C1orf94: variants seen among roughly 807,000 people sequenced by gnomAD.
C1orf94 encodes the protein uncharacterized protein C1orf94.
Under a neutral mutation model 53.6 loss-of-function variants are expected in C1orf94, and 45 were observed. The observed-to-expected ratio is 0.84, with a 90% CI of 0.66 to 1.08. C1orf94 has a LOEUF of 1.08. Ranked by LOEUF, C1orf94 falls within the 50% of genes least tolerant of loss-of-function variation. The pLI is 0.00. For synonymous variants in C1orf94, 304 were observed against 296.1 expected (o/e 1.03, Z -0.27); for missense variants, 762 against 738.9 (o/e 1.03, Z -0.36).
At chr1:34,216,748 G>A (rs1011230422) in intron 6 of C1orf94, among the ~76,000 whole-genome samples, 1 of 152,156 alleles carries the variant, frequency 6.6e-6, no homozygotes, top group East Asian at 1.9e-4. Context: ...TATCTTCCAA[G>A]CAATAATAAA....
intron 6 of C1orf94, among the ~76,000 whole-genome samples, chr1:34,213,541 A>G (rs1202057454): frequency 6.6e-6 from 1 of 151,740 alleles, no homozygotes; most frequent in African/African-American, 2.4e-5. Flanking sequence ...TTTTTATTTT[A>G]TTATTATTAT....
chr1:34,196,099 C>G (rs2148617146), intron 1 of C1orf94, among the ~76,000 whole-genome samples: 2 of 152,318 alleles, frequency 1.3e-5, no homozygotes, highest in South Asian at 4.1e-4. Flanking sequence ...CTCATAGGAG[C>G]CCCTTGAGTA....
rs67117400 is a variant in C1orf94, at chr1:34,197,071, G to C, written c.321-154G>C. Reference sequence around the variant, plus strand: ...CTACCGCTGTGGTATAGGACCCTCTGGGGGTCCAGTGTGTCTGCTGGGTTA... The same window carrying C: ...CTACCGCTGTGGTATAGGACCCTCTCGGGGTCCAGTGTGTCTGCTGGGTTA... On this transcript the variant is annotated intron_variant, in intron 1 of 6. Coordinates refer to ENST00000488417, the MANE Select transcript of C1orf94 (RefSeq NM_001134734.2). The surrounding 1 kb of genome is among the most constrained non-coding windows in gnomAD (Gnocchi z 4.1). 0.14 allele frequency among the ~76,000 whole-genome samples: 21,419 copies of C among 152,214 alleles called. 1,703 individuals are homozygous for C. The highest frequency in any genetic ancestry group is 0.24 in the Middle Eastern group (71 of 294).
At chr1:34,216,164 G>A (rs1172120497) in intron 6 of C1orf94, among the ~76,000 whole-genome samples, 1 of 152,208 alleles carries the variant, frequency 6.6e-6, no homozygotes, top group Non-Finnish European at 1.5e-5. Context: ...ATAGGTAGGT[G>A]CATATAGGAG....
At chr1:34,208,110 G>T (rs750322569) in intron 4 of C1orf94, 47 bp from the exon 5 acceptor site, 148 of 1,589,448 alleles carry the variant, frequency 9.3e-5, no homozygotes, top group Non-Finnish European at 1.2e-4. Flanking sequence ...ATGCCTTCTG[G>T]CAGGAAACCC....
chr1:34,175,543 A>G (rs1254468568), upstream of C1orf94, among the ~76,000 whole-genome samples: 1 of 152,166 alleles, frequency 6.6e-6, no homozygotes. Flanking sequence ...CAATTTTGTA[A>G]TGAAAATCAA....
At chr1:34,196,632 T>C (rs1019597115) in intron 1 of C1orf94, among the ~76,000 whole-genome samples, 1 of 152,170 alleles carries the variant, frequency 6.6e-6, no homozygotes, top group South Asian at 2.1e-4. Flanking sequence ...ATACTCCTAG[T>C]AATGAGAGGA....
chr1:34,167,262 G>A (rs1449474775), intron 1 of C1orf94: 1 of 152,246 alleles, frequency 6.6e-6, no homozygotes, highest in Non-Finnish European at 1.5e-5. Flanking sequence ...CCCCTCTCTT[G>A]GAGGCGGGGT....
chr1:34,193,879 G>A (rs1642537834), intron 1 of C1orf94, among the ~76,000 whole-genome samples: 1 of 152,200 alleles, frequency 6.6e-6, no homozygotes, highest in Non-Finnish European at 1.5e-5. Context: ...GCTGGGGCGG[G>A]CCCATATGTT....
chr1:34,182,328 A>G (rs1557477452), intron 1 of C1orf94, among the ~76,000 whole-genome samples: 1 of 152,186 alleles, frequency 6.6e-6, no homozygotes, highest in Admixed American at 6.5e-5. Context: ...ACAGGCAGGC[A>G]AGGCCTCAGG....
rs1487986518 is a variant in C1orf94 at position 34,218,972 on chromosome 1, CACAT to C, written c.*212_*215del. ...GGCACAAGCTACACACACACACACA[CACAT>C]GACCCTCATATTCATACTTGCTTGC... is the stretch of plus-strand genomic sequence containing the variant. On this transcript the variant is annotated 3_prime_UTR_variant, in exon 7 of 7. Coordinates refer to ENST00000488417, the MANE Select transcript of C1orf94 (RefSeq NM_001134734.2). The C allele has an allele frequency of 2.8e-4, 28 of 100,042 alleles. No individual in the cohort carries two copies. The highest frequency in any genetic ancestry group is 4.7e-4 in the Non-Finnish European group (23 of 49,010). 6.2% of individuals were successfully genotyped at this position (100,042 alleles called of 1,614,324 possible).
In C1orf94 at chr1:34,212,306, C is replaced by A. The variant is rs767523327; in HGVS notation, c.1621C>A (p.Pro541Thr). Residue 541 changes from proline (P) to threonine (T), a missense_variant, in exon 6 of 7, where the codon CCC becomes ACC. By Grantham distance (38) the Pro-to-Thr change is conservative. Coordinates refer to ENST00000488417, the MANE Select transcript of C1orf94 (RefSeq NM_001134734.2). ...CATCCCTTTTGTCCAGCCCAATTATCCCTACCCTCAGAGGACACCTCCAAA... is the reference window on the plus strand; with the variant it reads ...CATCCCTTTTGTCCAGCCCAATTATACCTACCCTCAGAGGACACCTCCAAA... Reference protein sequence around the residue: ...SYIPFVQPNYPYPQRTPPKMS... With the variant: ...SYIPFVQPNYTYPQRTPPKMS... 35 of 1,613,944 alleles carry A rather than the reference C, an allele frequency of 2.2e-5. No individual in the cohort carries two copies. The highest frequency in any genetic ancestry group is 1.4e-4 in the South Asian group (13 of 91,056).
At chr1:34,213,043 G>A (rs185362365) in intron 6 of C1orf94, among the ~76,000 whole-genome samples, 1 of 152,330 alleles carries the variant, frequency 6.6e-6, no homozygotes, top group Admixed American at 6.5e-5. Flanking sequence ...ATAAATTTGT[G>A]TTTGTTTTAA....
intron 1 of C1orf94, among the ~76,000 whole-genome samples, chr1:34,187,586 T>C (rs1000990026): frequency 1.3e-5 from 2 of 150,632 alleles, no homozygotes; most frequent in Non-Finnish European, 3.0e-5. Flanking sequence ...CCAAGTCACA[T>C]TAAAAAAAAA....
At chr1:34,171,245 A>G (rs891936944) in intron 1 of C1orf94, among the ~76,000 whole-genome samples, 2 of 152,138 alleles carry the variant, frequency 1.3e-5, no homozygotes, top group Admixed American at 6.6e-5. Context: ...GCAATGAGCC[A>G]TGCTTTCTCT....
intron 4 of C1orf94, among the ~76,000 whole-genome samples, chr1:34,206,492 T>C (rs1642795059): frequency 6.6e-6 from 1 of 152,228 alleles, no homozygotes; most frequent in South Asian, 2.1e-4. Context: ...CAGAGATCTT[T>C]GTGTATGATG....
chr1:34,178,849 G>A (rs896916506), intron 1 of C1orf94, among the ~76,000 whole-genome samples: 15 of 152,244 alleles, frequency 9.9e-5, no homozygotes, highest in South Asian at 4.1e-4. Flanking sequence ...TAATACCGCC[G>A]TTGAGCACTT....
chr1:34,177,591 G>A lies in C1orf94; in HGVS notation c.-199G>A, dbSNP rs1642248599. 1 of 535,598 alleles carries A rather than the reference G, an allele frequency of 1.9e-6. No individual in the cohort carries two copies. The highest frequency in any genetic ancestry group is 3.4e-5 in the South Asian group (1 of 29,754). 33.2% of individuals were successfully genotyped at this position (535,598 alleles called of 1,614,324 possible). On this transcript the variant is annotated 5_prime_UTR_variant, in exon 1 of 7. Transcript: ENST00000488417. The stretch of plus-strand genomic sequence containing the variant: ...TTAAATATTTTCTTCTAAGGGAGAG[G>A]GGGAGGGAGGCAAAAGTCAGGAAAG...
chr1:34,206,445 G>A lies in C1orf94; in HGVS notation c.1447-1712G>A, dbSNP rs566340323. Among the ~76,000 whole-genome samples the A allele has an allele frequency of 3.9e-5, 6 of 152,346 alleles. No individual in the cohort carries two copies. The South Asian group carries it at 1.0e-3, about 26-fold the overall frequency. ...CTCTGGTCACCCTCTAAGAGGGTAC[G>A]ATGAGTCTCAAAAATGGTGACATGG... On this transcript the variant is annotated intron_variant, in intron 4 of 6. Transcript: ENST00000488417.
Sources: gnomAD v4.1 joint callset for allele counts (sites outside exome capture counted in the v4.1 genomes callset) on GRCh38, gnomAD v4.1.1 for gene constraint, Gnocchi (gnomAD v3.1) non-coding constraint, MANE v1.5 for transcripts, NCBI Gene and HGNC (gene_info 2026-07-23, HGNC 2026-07-21) for gene names.